Variants in GALNT2 observed in about 807,000 individuals in gnomAD.
GALNT2 encodes UDP-GalNAc:polypeptide N-acetylgalactosaminyltransferase 2.
Under a neutral mutation model 81.4 loss-of-function variants are expected in GALNT2, and 31 were observed. The observed-to-expected ratio is 0.38, with a 90% CI of 0.29 to 0.51. The LOEUF (loss-of-function observed/expected upper bound fraction) is 0.51, where lower values mean the gene tolerates loss of function less well. GALNT2 is among the 20% of genes least tolerant of loss of function. The probability of loss-of-function intolerance (pLI) is 0.87; values close to 1 mark genes in which losing one functional copy is unlikely to be tolerated. For synonymous variants in GALNT2, 303 were observed against 287.4 expected, an observed-to-expected ratio of 1.05 and a Z score of -0.55; for missense variants, 629 against 765.7, an observed-to-expected ratio of 0.82 and a Z score of 2.11.
intron 1 of GALNT2, among the ~76,000 whole-genome samples, chr1:230,075,496 G>T (rs72758262): frequency 0.061 from 9,215 of 152,270 alleles, 388 homozygotes; most frequent in East Asian, 0.23. Context: ...TGTCCTGAAG[G>T]CCGCAATCCT....
At chr1:230,190,222 C>T (rs1169109860) in intron 2 of GALNT2, among the ~76,000 whole-genome samples, 2 of 152,216 alleles carry the variant, frequency 1.3e-5, no homozygotes, top group African/African-American at 4.8e-5. Flanking sequence ...TATATTCATA[C>T]ATAATTCTAC....
intron 1 of GALNT2, among the ~76,000 whole-genome samples, chr1:230,176,177 C>G (rs75276017): frequency 6.6e-6 from 1 of 151,934 alleles, no homozygotes; most frequent in Non-Finnish European, 1.5e-5. Context: ...GAGGAGTGCT[C>G]ACCCTGCACT....
intron 1 of GALNT2, among the ~76,000 whole-genome samples, chr1:230,083,353 G>GGGAGCAGGCAGCTGGGATGAC (rs1659804030): frequency 6.8e-6 from 1 of 147,766 alleles, no homozygotes; most frequent in Non-Finnish European, 1.5e-5. Flanking sequence ...GCCGGGATGA[G>GGGAGCAGGCAGCTGGGATGAC]GGAGCAGGCA....
At chr1:230,212,540 G>T (rs980478556) in intron 3 of GALNT2, among the ~76,000 whole-genome samples, 7 of 152,134 alleles carry the variant, frequency 4.6e-5, no homozygotes, top group Non-Finnish European at 8.8e-5. Context: ...TGTTCAGTCA[G>T]TGTGACATCT....
intron 2 of GALNT2, 21 bp downstream of exon 2, chr1:230,178,332 G>T (rs1295631720): frequency 4.4e-6 from 7 of 1,594,022 alleles, no homozygotes; most frequent in East Asian, 2.2e-5. Flanking sequence ...GGGCCAGGAA[G>T]CCATCTTGCT....
At chr1:230,274,971 T>TATATATACATGCTACATATATAC (rs1553276333) in intron 15 of GALNT2, among the ~76,000 whole-genome samples, 6,105 of 151,608 alleles carry the variant, frequency 0.04, 143 homozygotes, top group Middle Eastern at 0.054. Context: ...ACACACCACA[T>TATATATACATGCTACATATATAC]ATATATACAT....
intron 11 of GALNT2, among the ~76,000 whole-genome samples, chr1:230,256,966 CCT>C (rs1252724667): frequency 2.0e-5 from 3 of 152,072 alleles, no homozygotes; most frequent in African/African-American, 7.2e-5. Context: ...GGAGGAGGTC[CCT>C]CTGGGACCCC....
At chr1:230,239,921 T>G (rs1193060642) in intron 6 of GALNT2, among the ~76,000 whole-genome samples, 3 of 152,224 alleles carry the variant, frequency 2.0e-5, no homozygotes, top group African/African-American at 7.2e-5. Flanking sequence ...CACTTTAAAT[T>G]TAAGAATTTT....
intron 1 of GALNT2, among the ~76,000 whole-genome samples, chr1:230,130,262 A>C (rs1442697100): frequency 6.6e-6 from 1 of 152,118 alleles, no homozygotes; most frequent in Non-Finnish European, 1.5e-5. Flanking sequence ...ATTTTGAGGG[A>C]TTTCTTCACC....
intron 1 of GALNT2, among the ~76,000 whole-genome samples, chr1:230,141,127 A>G (rs895573222): frequency 2.6e-5 from 4 of 152,194 alleles, no homozygotes; most frequent in African/African-American, 4.8e-5. Flanking sequence ...GAATTGGATC[A>G]CCCCACAGGA....
In GALNT2 at chr1:230,219,891, C is replaced by T. The variant is rs766857921; in HGVS notation, c.375-16123C>T. ...CTGCCCTTGCTTGAGACCTTGCCAC[C>T]CCCAACCAGAGCCTCTGTGCCTGGG... On this transcript the variant is annotated intron_variant, in intron 3 of 15. Coordinates refer to ENST00000366672, the MANE Select transcript of GALNT2 (RefSeq NM_004481.5). Among the ~76,000 whole-genome samples, 3 of 152,182 alleles carry T rather than the reference C, an allele frequency of 2.0e-5. No individual in the cohort carries two copies. In the East Asian group the frequency reaches 5.8e-4, roughly 29 times the overall value.
At chr1:230,142,772 A>G (rs1212031564) in intron 1 of GALNT2, among the ~76,000 whole-genome samples, 1 of 152,156 alleles carries the variant, frequency 6.6e-6, no homozygotes, top group African/African-American at 2.4e-5. Flanking sequence ...CTGGTCAGCT[A>G]CTTCTTGTCC....
intron 7 of GALNT2, among the ~76,000 whole-genome samples, chr1:230,244,628 A>G (rs1307583108): frequency 6.6e-6 from 1 of 152,174 alleles, no homozygotes; most frequent in Non-Finnish European, 1.5e-5. Flanking sequence ...ACTGCTTCGA[A>G]CGCCTGCTCC....
At chr1:230,233,505 C>T (rs1368909135) in intron 3 of GALNT2, among the ~76,000 whole-genome samples, 2 of 152,012 alleles carry the variant, frequency 1.3e-5, no homozygotes, top group East Asian at 1.9e-4. Flanking sequence ...CCCAGCTACT[C>T]GGGAGGCTGA....
chr1:230,174,983 G>C (rs916463871), intron 1 of GALNT2, among the ~76,000 whole-genome samples: 1 of 152,180 alleles, frequency 6.6e-6, no homozygotes, highest in African/African-American at 2.4e-5. Context: ...CCTCTGGGCC[G>C]TTGTTCCCCA....
At chr1:230,190,104 A>G (rs1015401795) in intron 2 of GALNT2, among the ~76,000 whole-genome samples, 2 of 152,248 alleles carry the variant, frequency 1.3e-5, no homozygotes, top group African/African-American at 2.4e-5. Context: ...CAGTGTTGTC[A>G]TAAGGAAAAT....
chr1:230,186,686 TC>T (rs958331829), intron 2 of GALNT2, among the ~76,000 whole-genome samples: 4 of 152,210 alleles, frequency 2.6e-5, no homozygotes, highest in African/African-American at 9.6e-5. Context: ...TTACTTAAAA[TC>T]ATTTGAGTGC....
chr1:230,138,524 CA>C (rs35938447), intron 1 of GALNT2, among the ~76,000 whole-genome samples: 628 of 75,910 alleles, frequency 8.3e-3, no homozygotes, highest in African/African-American at 0.014. Flanking sequence ...GACTCTGTCT[CA>C]AAAAAAAAAA....
chr1:230,279,006 TGGGTGCCCA>T lies in GALNT2; in HGVS notation c.1561-295_1561-287del, dbSNP rs1246156889. ...AAATCCTGTGTTAATGACGAAGGGG[TGGGTGCCCA>T]GAGCTCTGGGGCTCAGAGGAGGGGA... On this transcript the variant is annotated intron_variant, in intron 15 of 15. Coordinates refer to ENST00000366672, the MANE Select transcript of GALNT2 (RefSeq NM_004481.5). This position sits in a 1 kb window ranked among gnomAD's most constrained non-coding sequence, Gnocchi z 4.6. Among the ~76,000 whole-genome samples, 36 of 151,396 alleles carry T rather than the reference TGGGTGCCCA, an allele frequency of 2.4e-4. No individual in the cohort carries two copies. The highest frequency in any genetic ancestry group is 2.4e-3 in the Admixed American group (36 of 15,188).
Sources: allele counts gnomAD v4.1 joint callset (sites outside exome capture counted in the v4.1 genomes callset), GRCh38; gene constraint gnomAD v4.1.1; non-coding constraint Gnocchi (gnomAD v3.1); transcripts MANE v1.5; gene names NCBI Gene and HGNC (gene_info 2026-07-23, HGNC 2026-07-21).